DENND2B: variants seen among roughly 807,000 people sequenced by gnomAD.
DENND2B encodes the protein DENN domain containing 2B.
Under a neutral mutation model 116.0 loss-of-function variants are expected in DENND2B, and 32 were observed. That is an observed-to-expected ratio of 0.28 (90% CI 0.21 to 0.37). DENND2B has a LOEUF of 0.37. Ranked by LOEUF, DENND2B falls within the 10% of genes least tolerant of loss-of-function variation. The pLI, the probability that DENND2B is intolerant of heterozygous loss-of-function variation, is 1.00. For missense variants in DENND2B, 1,276 were observed against 1,477.7 expected (o/e 0.86, Z 2.24); for synonymous variants, 588 against 583.9 (o/e 1.01, Z -0.10).
chr11:8,754,545 T>C (rs1038635270), intron 1 of DENND2B, among the ~76,000 whole-genome samples: 12 of 152,202 alleles, frequency 7.9e-5, no homozygotes, highest in African/African-American at 2.7e-4. Flanking sequence ...AGAGTTACCA[T>C]ATAAACCAGG....
chr11:8,789,875 T>TA (rs2059232576), intron 1 of DENND2B, among the ~76,000 whole-genome samples: 1 of 152,104 alleles, frequency 6.6e-6, no homozygotes, highest in South Asian at 2.1e-4. Flanking sequence ...ACCATCTAAC[T>TA]AAAACTATCC....
intron 1 of DENND2B, among the ~76,000 whole-genome samples, chr11:8,805,558 C>T (rs1391284469): frequency 1.3e-5 from 2 of 152,210 alleles, no homozygotes; most frequent in African/African-American, 4.8e-5. Flanking sequence ...AATCCTCACC[C>T]TCCTACTTCC....
chr11:8,725,679 G>A (rs531277397), intron 4 of DENND2B, among the ~76,000 whole-genome samples: 1 of 152,216 alleles, frequency 6.6e-6, no homozygotes, highest in African/African-American at 2.4e-5. Flanking sequence ...TACTATTATT[G>A]TTGTTGTTAA....
intron 1 of DENND2B, among the ~76,000 whole-genome samples, chr11:8,891,808 C>T (rs979930135): frequency 6.6e-6 from 1 of 152,142 alleles, no homozygotes; most frequent in African/African-American, 2.4e-5. Flanking sequence ...TTTAACACCC[C>T]ACTATCAACA....
intron 3 of DENND2B, among the ~76,000 whole-genome samples, chr11:8,727,050 C>G (rs1179733222): frequency 6.6e-6 from 1 of 152,188 alleles, no homozygotes; most frequent in African/African-American, 2.4e-5. Flanking sequence ...CCTGAGCCTA[C>G]AGCACTCTCT....
rs2041868502 is a variant in DENND2B, at chr11:8,702,413, CAG to C, written c.2720+157_2720+158del. 1.3e-5 allele frequency among the ~76,000 whole-genome samples: 2 copies of C among 152,218 alleles called. No individual in the cohort carries two copies. The highest frequency in any genetic ancestry group is 6.5e-5 in the Admixed American group (1 of 15,278). ...CCCAAACCCTGCTCCCTCACCCACA[CAG>C]GGGTGCTACCTTTCCACCTAGTCTT... is the stretch of plus-strand genomic sequence containing the variant. On this transcript the variant is annotated intron_variant, in intron 14 of 19. Coordinates refer to ENST00000313726, the MANE Select transcript of DENND2B (RefSeq NM_213618.2). The surrounding 1 kb of genome is among the most constrained non-coding windows in gnomAD (Gnocchi z 4.6).
At chr11:8,812,384 T>G (rs1358799005), upstream of DENND2B, among the ~76,000 whole-genome samples, 1 of 152,196 alleles carries the variant, frequency 6.6e-6, no homozygotes, top group Non-Finnish European at 1.5e-5. Context: ...TACAGCTATA[T>G]GTGACCTTGC....
intron 1 of DENND2B, among the ~76,000 whole-genome samples, chr11:8,899,968 A>G (rs1008102343): frequency 6.6e-6 from 1 of 152,190 alleles, no homozygotes; most frequent in African/African-American, 2.4e-5. Flanking sequence ...AGAAGTGTCT[A>G]TATTTCACCT....
chr11:8,902,182 C>T (rs762825246), intron 1 of DENND2B, among the ~76,000 whole-genome samples: 25 of 151,860 alleles, frequency 1.6e-4, no homozygotes, highest in Middle Eastern at 3.2e-3. Context: ...AAAAAGTAGC[C>T]GGGTGTGGTG....
intron 1 of DENND2B, among the ~76,000 whole-genome samples, chr11:8,797,360 C>T (rs181838231): frequency 1.3e-5 from 2 of 152,186 alleles, no homozygotes; most frequent in Admixed American, 6.5e-5. Flanking sequence ...TATATTAATT[C>T]GACTTCCTTA....
chr11:8,814,177 C>T (rs771075768), upstream of DENND2B, among the ~76,000 whole-genome samples: 1 of 151,988 alleles, frequency 6.6e-6, no homozygotes, highest in Non-Finnish European at 1.5e-5. Flanking sequence ...TCTGATGCTA[C>T]CCATCTCTCA....
At chr11:8,909,357 C>T (rs1160861931) in intron 1 of DENND2B, among the ~76,000 whole-genome samples, 4 of 151,754 alleles carry the variant, frequency 2.6e-5, no homozygotes, top group African/African-American at 7.3e-5. Context: ...GGGTGATACC[C>T]TCGTTTCTTT....
chr11:8,790,633 G>A (rs556740356), intron 1 of DENND2B, among the ~76,000 whole-genome samples: 135 of 152,270 alleles, frequency 8.9e-4, no homozygotes, highest in African/African-American at 3.0e-3. Flanking sequence ...GCCAAGCATG[G>A]TGGTTCGTGC....
intron 2 of DENND2B, among the ~76,000 whole-genome samples, chr11:8,742,263 C>T (rs140791069): frequency 2.6e-5 from 4 of 152,294 alleles, no homozygotes; most frequent in African/African-American, 9.6e-5. Context: ...CCCTGCAGTG[C>T]TCTGTCTGAA....
chr11:8,862,959 G>A (rs907698564), intron 2 of DENND2B, among the ~76,000 whole-genome samples: 1 of 152,082 alleles, frequency 6.6e-6, no homozygotes, highest in Non-Finnish European at 1.5e-5. Flanking sequence ...AATAGACAAA[G>A]GCTGCTAGAT....
upstream of DENND2B, among the ~76,000 whole-genome samples, chr11:8,874,916 C>A (rs1476375004): frequency 4.6e-5 from 7 of 152,104 alleles, no homozygotes; most frequent in East Asian, 1.2e-3. Context: ...CAAAGTGAGA[C>A]CCTGTCTCAA....
At chr11:8,871,684 G>A (rs2063784575), upstream of DENND2B, among the ~76,000 whole-genome samples, 1 of 152,128 alleles carries the variant, frequency 6.6e-6, no homozygotes, top group Admixed American at 6.5e-5. Context: ...CAAGGAGCCT[G>A]GTCTCAACCG....
chr11:8,897,719 A>G (rs551737913), intron 1 of DENND2B, among the ~76,000 whole-genome samples: 9 of 152,276 alleles, frequency 5.9e-5, no homozygotes, highest in African/African-American at 2.2e-4. Flanking sequence ...ACAGATTTCA[A>G]TGGCTGAATG....
chr11:8,817,161 T>A (rs567314839), intron 4 of DENND2B, among the ~76,000 whole-genome samples: 66 of 152,260 alleles, frequency 4.3e-4, no homozygotes, highest in Non-Finnish European at 8.4e-4. Context: ...CTCACCCCTA[T>A]CCATAAGTCT....
Sources: gnomAD v4.1 joint callset for allele counts (sites outside exome capture counted in the v4.1 genomes callset) on GRCh38, gnomAD v4.1.1 for gene constraint, Gnocchi (gnomAD v3.1) non-coding constraint, MANE v1.5 for transcripts, NCBI Gene and HGNC (gene_info 2026-07-23, HGNC 2026-07-21) for gene names.